The following ELF5 variants were observed in gnomAD, a reference collection of about 807,000 sequenced individuals.
ELF5 encodes E74 like ETS transcription factor 5, also known as ETS-related transcription factor Elf-5.
ELF5 carries 31 observed loss-of-function variants against 38.2 expected under a neutral mutation model. The ratio of observed to expected loss-of-function variants is 0.81; its 90% CI spans 0.61 to 1.10. The LOEUF is 1.10. Ranked by LOEUF, ELF5 falls within the 50% of genes least tolerant of loss-of-function variation. ELF5 has a pLI of 0.00. For synonymous variants in ELF5, 121 were observed against 112.5 expected, an observed-to-expected ratio of 1.08 and a Z score of -0.48; for missense variants, 300 against 306.6, an observed-to-expected ratio of 0.98 and a Z score of 0.16.
intron 4 of ELF5, among the ~76,000 whole-genome samples, chr11:34,487,052 C>A (rs538742075): frequency 6.6e-6 from 1 of 152,234 alleles, no homozygotes; most frequent in East Asian, 1.9e-4. Flanking sequence ...AAACTACCAA[C>A]CTGTCGTCTT....
intron 2 of ELF5, 36 bp from the exon 3 acceptor site, chr11:34,493,748 C>T: frequency 6.3e-7 from 1 of 1,588,834 alleles, no homozygotes; most frequent in Non-Finnish European, 8.6e-7. Flanking sequence ...GGACAACAGT[C>T]CCAAGACAGC....
chr11:34,505,717 C>A lies in ELF5; in HGVS notation c.33G>T (p.Leu11=), dbSNP rs758571268. The A allele has an allele frequency of 6.2e-7, 1 of 1,613,966 alleles. No homozygotes were observed. The highest frequency in any genetic ancestry group is 1.1e-5 in the South Asian group (1 of 91,032). Residue 11 remains leucine (L), a synonymous_variant, in exon 2 of 7, where the codon CTG becomes CTT. Transcript: ENST00000257832. The stretch of plus-strand genomic sequence containing the variant: ...GGGGATCGCAGAAGGATGCATTAGG[C>A]AGGAAGGTGCTGTGTGTCACCGAGT... The part of the protein sequence containing the change: MLDSVTHSTF[L]PNASFCDPLM...
chr11:34,481,462 C>T (rs1232559512), intron 5 of ELF5, among the ~76,000 whole-genome samples: 1 of 152,186 alleles, frequency 6.6e-6, no homozygotes, highest in Non-Finnish European at 1.5e-5. Flanking sequence ...CTGTGTCTCC[C>T]ATCGAAGCAA....
intron 4 of ELF5, among the ~76,000 whole-genome samples, chr11:34,486,891 T>C (rs1850009238): frequency 6.6e-6 from 1 of 152,230 alleles, no homozygotes; most frequent in South Asian, 2.1e-4. Context: ...ACTTTCCTTA[T>C]TGGCCAGGTC....
chr11:34,513,189 T>C (rs1353235184), intron 1 of ELF5, among the ~76,000 whole-genome samples: 2 of 151,996 alleles, frequency 1.3e-5, no homozygotes, highest in Non-Finnish European at 2.9e-5. Flanking sequence ...AACTGTTTTG[T>C]ACAAATTCCT....
chr11:34,482,827 A>T (rs1405409679), intron 4 of ELF5, among the ~76,000 whole-genome samples: 1 of 152,124 alleles, frequency 6.6e-6, no homozygotes, highest in Non-Finnish European at 1.5e-5. Flanking sequence ...ATTTAAGAAG[A>T]TCTCTCTTGC....
chr11:34,492,281 T>C (rs1435258072), intron 3 of ELF5: 1 of 152,310 alleles, frequency 6.6e-6, no homozygotes, highest in African/African-American at 2.4e-5. Flanking sequence ...GCCACCATTC[T>C]TAGCTTTTCT....
intron 2 of ELF5, among the ~76,000 whole-genome samples, chr11:34,504,581 C>G (rs1204155066): frequency 2.0e-5 from 3 of 152,244 alleles, no homozygotes; most frequent in Non-Finnish European, 2.9e-5. Context: ...CTCTTGCACA[C>G]TGCCTGCCTC....
intron 1 of ELF5, among the ~76,000 whole-genome samples, chr11:34,512,615 T>C (rs1444008764): frequency 2.0e-5 from 3 of 151,578 alleles, no homozygotes; most frequent in Admixed American, 2.0e-4. Context: ...CAATCCGATA[T>C]ATGCAAAGGA....
chr11:34,489,724 C>A (rs936365055), intron 4 of ELF5, among the ~76,000 whole-genome samples: 1 of 152,166 alleles, frequency 6.6e-6, no homozygotes, highest in Non-Finnish European at 1.5e-5. Flanking sequence ...TTGTGTGCAT[C>A]ATTTCTCAAA....
At chr11:34,480,437 T>C in intron 6 of ELF5, 123 bp from the exon 7 acceptor site, 2 of 764,254 alleles carry the variant, frequency 2.6e-6, no homozygotes, top group Non-Finnish European at 4.4e-6. Context: ...CCCTGGTATT[T>C]TCATGCCCTG....
intron 1 of ELF5, among the ~76,000 whole-genome samples, chr11:34,512,491 G>A (rs1360538559): frequency 1.3e-5 from 2 of 152,018 alleles, no homozygotes; most frequent in Non-Finnish European, 2.9e-5. Flanking sequence ...TACCCAGACT[G>A]CTGAAATTCT....
In ELF5 at chr11:34,481,819, A is replaced by G. The variant is rs114365142; in HGVS notation, c.475+612T>C. On this transcript the variant is annotated intron_variant, in intron 5 of 6. Coordinates refer to ENST00000257832, the MANE Select transcript of ELF5 (RefSeq NM_001422.4). ...AAACTTTTAGGGTTGCTTCATCTATAAAATGGGATAATAAAGAGTACCTGT... is the reference window on the plus strand; with the variant it reads ...AAACTTTTAGGGTTGCTTCATCTATGAAATGGGATAATAAAGAGTACCTGT... 6.0e-3 allele frequency among the ~76,000 whole-genome samples: 918 copies of G among 152,340 alleles called. 11 individuals are homozygous for G. The highest frequency in any genetic ancestry group is 0.021 in the African/African-American group (879 of 41,568).
At chr11:34,491,266 G>C (rs1047265822) in intron 3 of ELF5, among the ~76,000 whole-genome samples, 3 of 152,092 alleles carry the variant, frequency 2.0e-5, no homozygotes, top group Admixed American at 1.3e-4. Context: ...TGGGCAAATG[G>C]GAGACAGTGT....
intron 4 of ELF5, among the ~76,000 whole-genome samples, chr11:34,485,163 T>A (rs1340943036): frequency 6.8e-6 from 1 of 147,384 alleles, no homozygotes; most frequent in Non-Finnish European, 1.5e-5. Flanking sequence ...TTCATTTTAT[T>A]GAGGAGGGAT....
At chr11:34,497,323 A>G (rs924877416) in intron 2 of ELF5, among the ~76,000 whole-genome samples, 1 of 152,238 alleles carries the variant, frequency 6.6e-6, no homozygotes, top group African/African-American at 2.4e-5. Flanking sequence ...GTCGACCAGT[A>G]GACCATCATG....
intron 2 of ELF5, among the ~76,000 whole-genome samples, chr11:34,505,384 AGAGGTTAGCTGAGCCGTGCAC>A (rs1850585898): frequency 6.6e-6 from 1 of 152,228 alleles, no homozygotes; most frequent in Admixed American, 6.5e-5. Context: ...CGAGGCTCAG[AGAGGTTAGCTGAGCCGTGCAC>A]GGCCTCGAGG....
At position 34,480,226 on chromosome 11, in the gene ELF5, T is replaced by G; in HGVS notation, c.760A>C (p.Lys254Gln). 1 of 1,613,916 alleles carries G rather than the reference T, an allele frequency of 6.2e-7. No individual in the cohort carries two copies. The highest frequency in any genetic ancestry group is 8.5e-7 in the Non-Finnish European group (1 of 1,179,818). ...TTGATGCCTGGAGCAGATCATAGCT[T>G]GTCTTCCTGCCACCCGTGTGCATTT... ...GKNAHGWQED[K>Q]L is the part of the protein sequence containing the mutation. Residue 254 changes from lysine (K) to glutamine (Q), a missense_variant, in exon 7 of 7, where the codon AAG becomes CAG. By Grantham distance (53) the Lys-to-Gln change is moderately conservative. Coordinates refer to ENST00000257832, the MANE Select transcript of ELF5 (RefSeq NM_001422.4).
At chr11:34,497,195 A>G (rs1402163376) in intron 2 of ELF5, among the ~76,000 whole-genome samples, 3 of 152,186 alleles carry the variant, frequency 2.0e-5, no homozygotes, top group African/African-American at 7.2e-5. Context: ...CGCAGAATAT[A>G]TTATTTTTAA....
Sources: allele counts gnomAD v4.1 joint callset (sites outside exome capture counted in the v4.1 genomes callset), GRCh38; gene constraint gnomAD v4.1.1; transcripts MANE v1.5; gene names NCBI Gene and HGNC (gene_info 2026-07-23, HGNC 2026-07-21).